The following PRLR variants were observed in gnomAD, a reference collection of about 807,000 sequenced individuals.
PRLR encodes hPRL receptor.
Under a neutral mutation model 40.2 loss-of-function variants are expected in PRLR, and 13 were observed. The observed-to-expected ratio is 0.32, with a 90% CI of 0.21 to 0.51. PRLR has a LOEUF of 0.51. Ranked by LOEUF, PRLR falls within the 20% of genes least tolerant of loss-of-function variation. The pLI is 0.97. For missense variants in PRLR, 656 were observed against 747.3 expected, an observed-to-expected ratio of 0.88 and a Z score of 1.42; for synonymous variants, 269 against 278.7, an observed-to-expected ratio of 0.97 and a Z score of 0.35.
At chr5:35,116,524 C>G (rs1773032821) in intron 2 of PRLR, among the ~76,000 whole-genome samples, 1 of 152,220 alleles carries the variant, frequency 6.6e-6, no homozygotes, top group African/African-American at 2.4e-5. Flanking sequence ...CAACACAGCT[C>G]TGACTACTGG....
In PRLR at chr5:35,084,492, A is replaced by C. The variant is rs1007637280; in HGVS notation, c.351T>G (p.Leu117=). 6.4e-7 allele frequency: 1 copy of C among 1,573,174 alleles called. No individual in the cohort carries two copies. The highest frequency in any genetic ancestry group is 8.6e-7 in the Non-Finnish European group (1 of 1,166,860). Residue 117 remains leucine (L), a synonymous_variant, in exon 5 of 10, where the codon CTT becomes CTG. Coordinates refer to ENST00000618457, the MANE Select transcript of PRLR (RefSeq NM_000949.7). ...TACCTATGTAAGTCACGTCCACATA[A>C]AGTTCATCCGAGAAACTGCTTCCCA... ...NQMGSSFSDE[L]YVDVTYIVQP... is the part of the protein sequence containing the mutation.
intron 1 of PRLR, among the ~76,000 whole-genome samples, chr5:35,197,892 G>A (rs561557206): frequency 6.6e-6 from 1 of 152,362 alleles, no homozygotes; most frequent in South Asian, 2.1e-4. Flanking sequence ...GCAATTGCAT[G>A]AGGAGAGGTA....
intron 1 of PRLR, among the ~76,000 whole-genome samples, chr5:35,188,546 T>C (rs1415525848): frequency 6.6e-6 from 1 of 152,220 alleles, no homozygotes; most frequent in Non-Finnish European, 1.5e-5. Context: ...TGTTTTTCCC[T>C]GGTTGGGGCG....
intron 1 of PRLR, among the ~76,000 whole-genome samples, chr5:35,140,676 C>T (rs187335998): frequency 1.5e-4 from 23 of 152,306 alleles, no homozygotes; most frequent in African/African-American, 5.5e-4. Context: ...CAACTGTATA[C>T]AGTAACTATA....
At chr5:35,109,400 C>CA (rs1304007200) in intron 2 of PRLR, among the ~76,000 whole-genome samples, 1 of 152,114 alleles carries the variant, frequency 6.6e-6, no homozygotes, top group African/African-American at 2.4e-5. Context: ...TTCTGCCCAG[C>CA]AAAAGAAATC....
Position 35,049,332 on chromosome 5 carries a change from T to G in PRLR, c.1086A>C (p.Gly362=), listed in dbSNP as rs199502944. The G allele has an allele frequency of 1.1e-4, 77 of 703,130 alleles. No homozygotes were observed. The highest frequency in any genetic ancestry group is 1.6e-4 in the Non-Finnish European group (61 of 385,046). The allele number at this position is 703,130 out of a possible 1,614,324, so 43.6% of individuals were successfully genotyped here. A position where few individuals can be genotyped will look rare whatever the true frequency, so the allele number is the denominator to read the frequency against. ...TTGCCTTTGTGAACACCGCAAGTCT[T>G]CCTTGACTTGAGATTTTTCTTGGTC... Residue 362 remains glycine (G), a synonymous_variant, in exon 9 of 9, where the codon GGA becomes GGC. Coordinates refer to the PRLR transcript ENST00000231423.
At chr5:35,149,065 AG>A (rs2111853944) in intron 1 of PRLR, among the ~76,000 whole-genome samples, 1 of 152,320 alleles carries the variant, frequency 6.6e-6, no homozygotes. Context: ...GCTGTAAAAT[AG>A]TGCCTTGGAC....
At chr5:35,074,613 A>G (rs895209679) in intron 5 of PRLR, among the ~76,000 whole-genome samples, 4 of 151,742 alleles carry the variant, frequency 2.6e-5, no homozygotes, top group African/African-American at 9.7e-5. Context: ...ACTGCTTAGT[A>G]GTGGATGTGA....
intron 1 of PRLR, among the ~76,000 whole-genome samples, chr5:35,132,240 T>C (rs924473195): frequency 3.3e-5 from 5 of 152,148 alleles, no homozygotes; most frequent in Admixed American, 1.3e-4. Context: ...AGGAAAAGCA[T>C]TTTGTGGTCT....
intron 1 of PRLR, among the ~76,000 whole-genome samples, chr5:35,173,219 A>G (rs564276459): frequency 6.6e-6 from 1 of 152,284 alleles, no homozygotes; most frequent in East Asian, 1.9e-4. Flanking sequence ...TTTTCCATGG[A>G]CACCCACATA....
intron 1 of PRLR, among the ~76,000 whole-genome samples, chr5:35,189,154 T>A (rs892806990): frequency 6.6e-6 from 1 of 152,056 alleles, no homozygotes; most frequent in Non-Finnish European, 1.5e-5. Context: ...GCAAGCCAAG[T>A]AACACTAAGG....
chr5:35,204,344 A>G (rs1227636276), intron 1 of PRLR, among the ~76,000 whole-genome samples: 1 of 152,078 alleles, frequency 6.6e-6, no homozygotes, highest in Non-Finnish European at 1.5e-5. Context: ...CTCAAGTGAG[A>G]AGTTGAGATG....
intron 1 of PRLR, among the ~76,000 whole-genome samples, chr5:35,170,569 G>C (rs1774970782): frequency 6.6e-6 from 1 of 152,206 alleles, no homozygotes; most frequent in Non-Finnish European, 1.5e-5. Flanking sequence ...GGAAGCTGAG[G>C]TGGGAGGATT....
chr5:35,062,204 T>A lies in PRLR; in HGVS notation c.*2885A>T, dbSNP rs1769079532. On this transcript the variant is annotated 3_prime_UTR_variant, in exon 10 of 10. Transcript: ENST00000618457. ...TTTTGTTAGATTAGGATAGAAGGCA[T>A]TGGTTGGGATTATCTTTGCAGAAAA... 6.6e-6 allele frequency: 1 copy of A among 152,120 alleles called. No homozygotes were observed. Among genetic ancestry groups the A allele is most frequent in the Non-Finnish European group, 1.5e-5 (1 of 68,024 alleles). 9.4% of individuals were successfully genotyped at this position (152,120 alleles called of 1,614,324 possible). A position where few individuals can be genotyped will look rare whatever the true frequency, so the allele number is the denominator to read the frequency against.
At chr5:35,049,111 C>G in exon 9 of PRLR, 1 of 691,646 alleles carries the variant, frequency 1.4e-6, no homozygotes, top group South Asian at 1.5e-5. Flanking sequence ...GTCAATTCTG[C>G]TTTGGGGGCA....
chr5:35,049,948 C>T (rs1373092557), intron 8 of PRLR, among the ~76,000 whole-genome samples: 29 of 143,088 alleles, frequency 2.0e-4, no homozygotes, highest in African/African-American at 7.7e-4. Flanking sequence ...GCACTTGTTG[C>T]CCAGGCTGGA....
chr5:35,201,809 AAG>A (rs1435910418), intron 1 of PRLR, among the ~76,000 whole-genome samples: 18 of 152,174 alleles, frequency 1.2e-4, no homozygotes, highest in African/African-American at 4.1e-4. Flanking sequence ...TAAATTGGTA[AAG>A]AAAAAAGTAT....
At chr5:35,154,408 T>C (rs527641261) in intron 1 of PRLR, among the ~76,000 whole-genome samples, 1 of 152,242 alleles carries the variant, frequency 6.6e-6, no homozygotes, top group Non-Finnish European at 1.5e-5. Context: ...CTGTCCTTCC[T>C]ATTTTTTAAC....
At chr5:35,072,263 T>A (rs1204151510) in intron 6 of PRLR, among the ~76,000 whole-genome samples, 1 of 152,134 alleles carries the variant, frequency 6.6e-6, no homozygotes, top group African/African-American at 2.4e-5. Context: ...ATACTGAGAC[T>A]GCCCCCTCCC....
Sources: gnomAD v4.1 joint callset for allele counts (sites outside exome capture counted in the v4.1 genomes callset) on GRCh38, gnomAD v4.1.1 for gene constraint, MANE v1.5 for transcripts, NCBI Gene and HGNC (gene_info 2026-07-23, HGNC 2026-07-21) for gene names.